PRKD1: variants seen among roughly 807,000 people sequenced by gnomAD.
PRKD1 encodes the protein protein kinase D1, also known as serine/threonine-protein kinase D1.
PRKD1 carries 63 observed loss-of-function variants against 95.9 expected under a neutral mutation model. The ratio of observed to expected loss-of-function variants is 0.66; its 90% confidence interval spans 0.54 to 0.81. The LOEUF (loss-of-function observed/expected upper bound fraction) is 0.81, where lower values mean the gene tolerates loss of function less well. PRKD1 is among the 30% of genes least tolerant of loss of function. The pLI is 0.00. For synonymous variants in PRKD1, 425 were observed against 423.1 expected (o/e 1.00, Z -0.05); for missense variants, 1,048 against 1,165.3 (o/e 0.90, Z 1.47).
At chr14:29,865,111 G>A (rs182489471) in intron 1 of PRKD1, among the ~76,000 whole-genome samples, 53 of 152,196 alleles carry the variant, frequency 3.5e-4, no homozygotes, top group Non-Finnish European at 5.7e-4. Context: ...CAATTGGTCA[G>A]GAAAAACTTA....
At chr14:29,884,421 T>C (rs1392934590) in intron 1 of PRKD1, among the ~76,000 whole-genome samples, 1 of 152,202 alleles carries the variant, frequency 6.6e-6, no homozygotes, top group Non-Finnish European at 1.5e-5. Context: ...AATACATTAT[T>C]ACATTTCTCA....
At chr14:29,656,929 G>T (rs45458691) in intron 4 of PRKD1, among the ~76,000 whole-genome samples, 1 of 152,264 alleles carries the variant, frequency 6.6e-6, no homozygotes, top group East Asian at 1.9e-4. Flanking sequence ...AAAGAAAAAG[G>T]TCATCAAAGT....
chr14:29,921,412 T>C (rs563966099), intron 1 of PRKD1, among the ~76,000 whole-genome samples: 1 of 151,818 alleles, frequency 6.6e-6, no homozygotes, highest in East Asian at 1.9e-4. Context: ...AAATATAAAT[T>C]TCTTTTGTTA....
intron 16 of PRKD1, among the ~76,000 whole-genome samples, chr14:29,595,857 A>C (rs1893278394): frequency 1.3e-5 from 2 of 152,234 alleles, no homozygotes; most frequent in South Asian, 4.1e-4. Context: ...CTGGATTTCT[A>C]GATGAGCAAT....
intron 14 of PRKD1, among the ~76,000 whole-genome samples, chr14:29,599,347 G>T (rs45532936): frequency 1.7e-3 from 264 of 152,198 alleles, no homozygotes; most frequent in African/African-American, 5.8e-3. Flanking sequence ...GTAGATAAAA[G>T]ACCTATATCT....
intron 1 of PRKD1, among the ~76,000 whole-genome samples, chr14:29,879,703 C>T (rs889974704): frequency 6.6e-6 from 1 of 152,122 alleles, no homozygotes; most frequent in Non-Finnish European, 1.5e-5. Flanking sequence ...AAGTTTGGAA[C>T]CTCCTAGAGA....
At chr14:29,911,628 T>G (rs1894716976) in intron 1 of PRKD1, among the ~76,000 whole-genome samples, 1 of 152,196 alleles carries the variant, frequency 6.6e-6, no homozygotes, top group African/African-American at 2.4e-5. Context: ...TAACTCTGAG[T>G]AGTATGATCC....
chr14:29,778,079 T>A (rs61978050), intron 1 of PRKD1, among the ~76,000 whole-genome samples: 26,419 of 152,118 alleles, frequency 0.17, 2,454 homozygotes, highest in South Asian at 0.23. Flanking sequence ...AGAAATAAAG[T>A]TGTTCTTTGA....
intron 1 of PRKD1, among the ~76,000 whole-genome samples, chr14:29,836,338 T>G (rs1053003236): frequency 1.2e-4 from 19 of 152,054 alleles, no homozygotes; most frequent in Admixed American, 8.5e-4. Context: ...ACTAGAAAAA[T>G]TAATATGATA....
intron 2 of PRKD1, among the ~76,000 whole-genome samples, chr14:29,680,668 G>C (rs867580670): frequency 6.6e-6 from 1 of 152,148 alleles, no homozygotes; most frequent in Non-Finnish European, 1.5e-5. Context: ...ACAGTTGAGG[G>C]AATAAGACAT....
chr14:29,904,985 T>C (rs1299670613), intron 1 of PRKD1, among the ~76,000 whole-genome samples: 1 of 152,166 alleles, frequency 6.6e-6, no homozygotes, highest in Non-Finnish European at 1.5e-5. Flanking sequence ...TGGATGACAT[T>C]GCACTCTGAA....
At chr14:29,647,771 G>A (rs533051428) in intron 4 of PRKD1, among the ~76,000 whole-genome samples, 238 of 152,270 alleles carry the variant, frequency 1.6e-3, no homozygotes, top group African/African-American at 5.2e-3. Flanking sequence ...ATAAGGGGCC[G>A]GAGAGACCAA....
At chr14:29,927,178 G>T in intron 1 of PRKD1, 71 bp downstream of exon 1, 3 of 1,349,214 alleles carry the variant, frequency 2.2e-6, no homozygotes, top group Non-Finnish European at 2.9e-6. Context: ...AGTTGGCGCG[G>T]AGAGGGCCAG....
intron 2 of PRKD1, among the ~76,000 whole-genome samples, chr14:29,683,721 A>G (rs1212941192): frequency 6.6e-6 from 1 of 152,246 alleles, no homozygotes; most frequent in Non-Finnish European, 1.5e-5. Flanking sequence ...ACAATGTAAC[A>G]TTATTATGCA....
chr14:29,619,800 G>A (rs552232984), intron 13 of PRKD1, among the ~76,000 whole-genome samples: 1 of 152,258 alleles, frequency 6.6e-6, no homozygotes, highest in African/African-American at 2.4e-5. Flanking sequence ...TTTTTACTGA[G>A]AGACTAATGT....
rs1348585376 is a variant in PRKD1 at position 29,831,447 on chromosome 14, TG to T, written c.264+95801del. 1.6e-3 allele frequency among the ~76,000 whole-genome samples: 230 copies of T among 141,224 alleles called. 2 individuals carry two copies. The highest frequency in any genetic ancestry group is 8.9e-3 in the Admixed American group (117 of 13,166). The allele number at this position is 141,224 out of a possible 152,430, so 92.6% of individuals were successfully genotyped here. A position where few individuals can be genotyped will look rare whatever the true frequency, so the allele number is the denominator to read the frequency against. On this transcript the variant is annotated intron_variant, in intron 1 of 17. Transcript: ENST00000331968. ...ACAGTCCAGTAGTTATTAGAATGTT[TG>T]GTTTTTTTTTTTTTTTTTTGGTTGG...
intron 2 of PRKD1, among the ~76,000 whole-genome samples, chr14:29,676,138 A>C (rs1883181445): frequency 6.8e-6 from 1 of 147,608 alleles, no homozygotes; most frequent in Admixed American, 6.9e-5. Flanking sequence ...TTAAAAAAGT[A>C]AGTCATCTAC....
intron 1 of PRKD1, among the ~76,000 whole-genome samples, chr14:29,757,124 A>G (rs1255300157): frequency 6.6e-6 from 1 of 152,214 alleles, no homozygotes; most frequent in East Asian, 1.9e-4. Context: ...TATCAGTAGC[A>G]TTAACACATC....
At chr14:29,831,698 G>A (rs1023658789) in intron 1 of PRKD1, among the ~76,000 whole-genome samples, 1 of 151,582 alleles carries the variant, frequency 6.6e-6, no homozygotes, top group Non-Finnish European at 1.5e-5. Context: ...TCTGTTTATG[G>A]GTTTTCAAGT....
Sources: allele counts gnomAD v4.1 joint callset (sites outside exome capture counted in the v4.1 genomes callset), GRCh38; gene constraint gnomAD v4.1.1; transcripts MANE v1.5; gene names NCBI Gene and HGNC (gene_info 2026-07-23, HGNC 2026-07-21).